FCHO2: variants seen among roughly 807,000 people sequenced by gnomAD.
FCHO2 encodes the protein F-BAR domain only protein 2.
A neutral mutation model predicts 114.1 loss-of-function variants in FCHO2; 43 were observed. The observed-to-expected ratio is 0.38, with a 90% CI of 0.30 to 0.49. The LOEUF (loss-of-function observed/expected upper bound fraction) is 0.49, where lower values mean the gene tolerates loss of function less well. FCHO2 is among the 20% of genes least tolerant of loss of function. FCHO2 has a pLI of 0.97. For missense variants in FCHO2, 807 were observed against 950.4 expected (o/e 0.85, Z 1.98); for synonymous variants, 293 against 315.2 (o/e 0.93, Z 0.75).
intron 19 of FCHO2, among the ~76,000 whole-genome samples, chr5:73,073,070 T>G (rs1337142498): frequency 2.6e-5 from 4 of 152,090 alleles, no homozygotes; most frequent in Non-Finnish European, 5.9e-5. Context: ...TGTACAAACA[T>G]ATATTTTTAT....
At chr5:73,038,588 A>G (rs1159344995) in intron 10 of FCHO2, among the ~76,000 whole-genome samples, 5 of 152,202 alleles carry the variant, frequency 3.3e-5, no homozygotes, top group Non-Finnish European at 4.4e-5. Context: ...ACATAAGAGA[A>G]CAGTTTGTGC....
chr5:72,974,212 A>G (rs930055833), intron 2 of FCHO2, among the ~76,000 whole-genome samples: 1 of 143,786 alleles, frequency 7.0e-6, no homozygotes, highest in African/African-American at 2.6e-5. Context: ...GTAGATGTCT[A>G]TTAGGTCCAC....
At chr5:72,978,820 T>A (rs2112634765) in intron 2 of FCHO2, among the ~76,000 whole-genome samples, 2 of 152,166 alleles carry the variant, frequency 1.3e-5, no homozygotes, top group South Asian at 4.2e-4. Context: ...TTGCGTGAAG[T>A]GGTGCTGAAT....
At chr5:73,027,369 C>CTTTTTTTTTT (rs1219325280) in intron 8 of FCHO2, among the ~76,000 whole-genome samples, 1 of 136,816 alleles carries the variant, frequency 7.3e-6, no homozygotes. Flanking sequence ...CTGGCTTGTT[C>CTTTTTTTTTT]TTTTTTTTTT....
intron 22 of FCHO2, among the ~76,000 whole-genome samples, chr5:73,078,616 C>A (rs1292536906): frequency 6.6e-6 from 1 of 152,098 alleles, no homozygotes; most frequent in Non-Finnish European, 1.5e-5. Flanking sequence ...TTAGGAATGG[C>A]AAAGATGCCC....
chr5:73,060,562 C>T (rs1757807753), intron 17 of FCHO2, among the ~76,000 whole-genome samples: 1 of 151,962 alleles, frequency 6.6e-6, no homozygotes, highest in East Asian at 1.9e-4. Context: ...AACTTTGTCC[C>T]CCATTCTTTG....
At chr5:72,997,519 A>G (rs1170567827) in intron 5 of FCHO2, 2 of 1,411,250 alleles carry the variant, frequency 1.4e-6, no homozygotes, top group African/African-American at 1.4e-5. Flanking sequence ...TCACCATCAA[A>G]TCCTGGTTCA....
chr5:73,015,809 A>G (rs1755277018), intron 7 of FCHO2, 85 bp downstream of exon 7: 1 of 724,744 alleles, frequency 1.4e-6, no homozygotes, highest in African/African-American at 1.9e-5. Flanking sequence ...ACTCTGTTCA[A>G]AGTTCATAAG....
intron 16 of FCHO2, 38 bp downstream of exon 16, chr5:73,056,145 T>C (rs912089699): frequency 4.8e-6 from 7 of 1,466,692 alleles, no homozygotes; most frequent in Admixed American, 2.6e-5. Context: ...AAAATAGACT[T>C]TATTTTTTAG....
intron 8 of FCHO2, among the ~76,000 whole-genome samples, chr5:73,026,663 T>G (rs1433963767): frequency 6.6e-6 from 1 of 152,124 alleles, no homozygotes; most frequent in African/African-American, 2.4e-5. Flanking sequence ...TTATTGTATG[T>G]ACTGACACTT....
Position 72,990,586 on chromosome 5 carries a change from G to A in FCHO2, c.309G>A (p.Lys103=), listed in dbSNP as rs182189596. The part of the protein sequence containing the change: ...KLQELIKEVQ[K]YGEEQVKSHK... The stretch of plus-strand genomic sequence containing the variant: ...AAGAATTAATAAAGGAAGTTCAGAA[G>A]TATGGAGAAGAACAAGTAAAGTCTC... Residue 103 remains lysine (K), a synonymous_variant, in exon 4 of 26, where the codon AAG becomes AAA. Coordinates refer to ENST00000430046, the MANE Select transcript of FCHO2 (RefSeq NM_138782.3). 869 of 1,534,032 alleles carry A rather than the reference G, an allele frequency of 5.7e-4. 9 individuals carry two copies. In the African/African-American group the frequency reaches 0.011, roughly 19 times the overall value.
In FCHO2 at chr5:73,068,169, C is replaced by T. The variant is rs556735062; in HGVS notation, c.1450-481C>T. On this transcript the variant is annotated intron_variant, in intron 18 of 25. Coordinates refer to ENST00000430046, the MANE Select transcript of FCHO2 (RefSeq NM_138782.3). ...ATAATACTAAAACCTCCCCAAATTACATCAACCCATTCATAAAAGTGAAGG... is the reference window on the plus strand; with the variant it reads ...ATAATACTAAAACCTCCCCAAATTATATCAACCCATTCATAAAAGTGAAGG... Among the ~76,000 whole-genome samples the T allele has an allele frequency of 5.9e-5, 9 of 152,178 alleles. No individual in the cohort carries two copies. In the South Asian group the frequency reaches 1.9e-3, roughly 32 times the overall value.
At chr5:73,025,375 A>ATTT (rs367615996) in intron 8 of FCHO2, among the ~76,000 whole-genome samples, 2 of 100,490 alleles carry the variant, frequency 2.0e-5, no homozygotes, top group Non-Finnish European at 4.0e-5. Context: ...CACCCAGCTA[A>ATTT]TTTTTTTTTT....
chr5:72,958,821 GT>G (rs879406295), intron 1 of FCHO2, among the ~76,000 whole-genome samples: 23 of 152,282 alleles, frequency 1.5e-4, no homozygotes, highest in Middle Eastern at 6.8e-3. Flanking sequence ...ATGCATGAAT[GT>G]TTTTTAAGTT....
intron 5 of FCHO2, among the ~76,000 whole-genome samples, chr5:72,992,547 C>T (rs1051869604): frequency 2.0e-5 from 3 of 152,042 alleles, no homozygotes; most frequent in South Asian, 2.1e-4. Context: ...CTAAAAGCTC[C>T]CCTCTTAGGA....
chr5:72,978,084 C>G (rs1752985600), intron 2 of FCHO2, among the ~76,000 whole-genome samples: 1 of 152,190 alleles, frequency 6.6e-6, no homozygotes, highest in Non-Finnish European at 1.5e-5. Flanking sequence ...ATTGTCTTGG[C>G]TATACAGGCT....
chr5:73,054,500 T>C, intron 14 of FCHO2, 25 bp from the exon 15 acceptor site: 1 of 1,528,222 alleles, frequency 6.5e-7, no homozygotes, highest in Non-Finnish European at 8.8e-7. Context: ...TGTTTTATGG[T>C]ACCTATTTTG....
intron 16 of FCHO2, among the ~76,000 whole-genome samples, chr5:73,057,842 A>G (rs1462405218): frequency 6.6e-6 from 1 of 152,074 alleles, no homozygotes; most frequent in East Asian, 1.9e-4. Flanking sequence ...ATAGCCCCCA[A>G]GGTGGTTGAA....
intron 17 of FCHO2, 67 bp from the exon 18 acceptor site, chr5:73,063,774 A>G (rs1344561863): frequency 1.4e-6 from 2 of 1,392,228 alleles, no homozygotes; most frequent in African/African-American, 1.4e-5. Context: ...TTATAATAGA[A>G]TGTCTTTATG....
Sources: gnomAD v4.1 joint callset for allele counts (sites outside exome capture counted in the v4.1 genomes callset) on GRCh38, gnomAD v4.1.1 for gene constraint, MANE v1.5 for transcripts, NCBI Gene and HGNC (gene_info 2026-07-23, HGNC 2026-07-21) for gene names.